The following EPHB2 variants were observed in gnomAD, a reference collection of about 807,000 sequenced individuals.
EPHB2 encodes the protein ephrin type-B receptor 2.
Under a neutral mutation model 96.4 loss-of-function variants are expected in EPHB2, and 18 were observed. That is an observed-to-expected ratio of 0.19 (90% CI 0.13 to 0.28). The LOEUF (loss-of-function observed/expected upper bound fraction) is 0.28, where lower values mean the gene tolerates loss of function less well. EPHB2 is among the 10% of genes least tolerant of loss of function. The pLI is 1.00. For synonymous variants in EPHB2, 506 were observed against 534.1 expected (o/e 0.95, Z 0.72); for missense variants, 989 against 1,355.4 (o/e 0.73, Z 4.25).
At chr1:22,867,563 G>T (rs2148531102) in intron 5 of EPHB2, among the ~76,000 whole-genome samples, 1 of 152,250 alleles carries the variant, frequency 6.6e-6, no homozygotes, top group South Asian at 2.1e-4. Flanking sequence ...ACTCAAAGGA[G>T]GCAATCTGAG....
rs970430771 is a variant in EPHB2, at chr1:22,917,535, G to A, written c.*3965G>A. On this transcript the variant is annotated 3_prime_UTR_variant, in exon 16 of 16. Transcript: ENST00000374630. The stretch of plus-strand genomic sequence containing the variant: ...CTCCTGTCACTAGGGATGTGAATCT[G>A]GGGAGACACTTCCCCTCACTGAGCC... 1.3e-5 allele frequency: 2 copies of A among 152,250 alleles called. No homozygotes were observed. Among genetic ancestry groups the A allele is most frequent in the Non-Finnish European group, 1.5e-5 (1 of 68,066 alleles). 9.4% of individuals were successfully genotyped at this position (152,250 alleles called of 1,614,324 possible).
intron 1 of EPHB2, among the ~76,000 whole-genome samples, chr1:22,771,861 G>A (rs903330260): frequency 4.6e-5 from 7 of 152,144 alleles, no homozygotes; most frequent in Non-Finnish European, 8.8e-5. Flanking sequence ...CTGGTATGTC[G>A]GGAAGGCTTG....
At chr1:22,863,633 G>T (rs1417601708) in intron 4 of EPHB2, among the ~76,000 whole-genome samples, 1 of 152,256 alleles carries the variant, frequency 6.6e-6, no homozygotes, top group Non-Finnish European at 1.5e-5. Context: ...ATGGCATTCA[G>T]CTGTAAGTAA....
intron 6 of EPHB2, among the ~76,000 whole-genome samples, chr1:22,886,865 A>T (rs1639242149): frequency 6.6e-6 from 1 of 151,918 alleles, no homozygotes; most frequent in African/African-American, 2.4e-5. Flanking sequence ...ACCTCAGGTG[A>T]TCCGCCCACC....
At chr1:22,781,280 A>G (rs938316209) in intron 1 of EPHB2, 141 bp from the exon 2 acceptor site, 18 of 781,930 alleles carry the variant, frequency 2.3e-5, no homozygotes, top group Non-Finnish European at 3.7e-5. Context: ...AGATCACACC[A>G]CTGCACTCCA....
intron 1 of EPHB2, among the ~76,000 whole-genome samples, chr1:22,745,619 G>A (rs1025348347): frequency 1.3e-5 from 2 of 152,104 alleles, no homozygotes; most frequent in African/African-American, 2.4e-5. Flanking sequence ...TAATGGTTTG[G>A]CTTTGGGCAA....
chr1:22,827,697 G>A (rs1645244416), intron 3 of EPHB2, among the ~76,000 whole-genome samples: 1 of 152,236 alleles, frequency 6.6e-6, no homozygotes, highest in Admixed American at 6.5e-5. Flanking sequence ...TGATGATGGT[G>A]GTGAAGTGCT....
At chr1:22,767,266 G>A (rs78103613) in intron 1 of EPHB2, among the ~76,000 whole-genome samples, 6,270 of 152,206 alleles carry the variant, frequency 0.041, 238 homozygotes, top group East Asian at 0.16. Context: ...GGGGAAGTGG[G>A]GGGTGGTCTG....
intron 1 of EPHB2, among the ~76,000 whole-genome samples, chr1:22,775,870 T>C (rs538279450): frequency 6.6e-6 from 1 of 152,338 alleles, no homozygotes; most frequent in Non-Finnish European, 1.5e-5. Flanking sequence ...AGCCTCTTTC[T>C]TCATCTATCC....
chr1:22,736,310 C>T (rs970481645), intron 1 of EPHB2, among the ~76,000 whole-genome samples: 3 of 152,134 alleles, frequency 2.0e-5, no homozygotes, highest in African/African-American at 2.4e-5. Context: ...GGGGACAAGG[C>T]GGCCCCTCTT....
intron 1 of EPHB2, chr1:22,774,509 G>A (rs762468015): frequency 2.1e-6 from 2 of 947,776 alleles, no homozygotes; most frequent in Non-Finnish European, 2.5e-6. Context: ...AGCAAGAAGG[G>A]CCAGGCGTTC....
In EPHB2 at chr1:22,737,399, T is replaced by C. The variant is rs542458224; in HGVS notation, c.61+26356T>C. Among the ~76,000 whole-genome samples the C allele has an allele frequency of 9.2e-5, 14 of 152,306 alleles. No homozygotes were observed. The East Asian group carries it at 2.5e-3, about 27-fold the overall frequency. The stretch of plus-strand genomic sequence containing the variant: ...CTGAGGCCTTCTCTGCCTGTCCTTG[T>C]CATCCCACAAACTCTAGGTGGATGT... On this transcript the variant is annotated intron_variant, in intron 1 of 15. Coordinates refer to ENST00000374630, the MANE Select transcript of EPHB2 (RefSeq NM_017449.5).
chr1:22,733,632 G>A lies in EPHB2; in HGVS notation c.61+22589G>A, dbSNP rs1464662224. On this transcript the variant is annotated intron_variant, in intron 1 of 15. Coordinates refer to ENST00000374630, the MANE Select transcript of EPHB2 (RefSeq NM_017449.5). The surrounding 1 kb of genome is among the most constrained non-coding windows in gnomAD (Gnocchi z 4.6). ...CAGGATTATTATTATTTTTGTTTTA[G>A]AGGAAAACTGAATCTCTGAGAGGTT... is the stretch of plus-strand genomic sequence containing the variant. Among the ~76,000 whole-genome samples, 1 of 152,202 alleles carries A rather than the reference G, an allele frequency of 6.6e-6. No individual in the cohort carries two copies. The highest frequency in any genetic ancestry group is 1.5e-5 in the Non-Finnish European group (1 of 68,038).
In EPHB2 at chr1:22,910,752, G is replaced by A. The variant is rs140251906; in HGVS notation, c.2696+177G>A. Reference sequence around the variant, plus strand: ...TTAGGGGTGCAGGAGAGCAGAGGACGCAGACTGCCCAGAGGAAGAAAAGGA... The same window carrying A: ...TTAGGGGTGCAGGAGAGCAGAGGACACAGACTGCCCAGAGGAAGAAAAGGA... On this transcript the variant is annotated intron_variant, in intron 14 of 15. Coordinates refer to ENST00000374630, the MANE Select transcript of EPHB2 (RefSeq NM_017449.5). Among the ~76,000 whole-genome samples, 1,022 of 152,338 alleles carry A rather than the reference G, an allele frequency of 6.7e-3. 4 individuals carry two copies. Among genetic ancestry groups the A allele is most frequent in the African/African-American group, 0.021 (860 of 41,582 alleles).
At chr1:22,766,078 T>A (rs1277119880) in intron 1 of EPHB2, among the ~76,000 whole-genome samples, 1 of 152,076 alleles carries the variant, frequency 6.6e-6, no homozygotes, top group Non-Finnish European at 1.5e-5. Flanking sequence ...GACAGATAAT[T>A]GCAAGTTTAA....
intron 3 of EPHB2, among the ~76,000 whole-genome samples, chr1:22,803,102 G>A (rs1417588587): frequency 6.6e-6 from 1 of 152,182 alleles, no homozygotes; most frequent in African/African-American, 2.4e-5. Context: ...GAAATAGCCT[G>A]AGGAGGCTCT....
intron 1 of EPHB2, among the ~76,000 whole-genome samples, chr1:22,774,060 T>TC (rs1167820016): frequency 4.6e-5 from 7 of 152,178 alleles, no homozygotes; most frequent in Non-Finnish European, 8.8e-5. Context: ...TGCCCAGCCT[T>TC]CCCCGATGTC....
chr1:22,766,709 T>C (rs1284926597), intron 1 of EPHB2, among the ~76,000 whole-genome samples: 1 of 152,178 alleles, frequency 6.6e-6, no homozygotes, highest in African/African-American at 2.4e-5. Flanking sequence ...AAGCATCCTG[T>C]CCCAGTGGGA....
At chr1:22,821,608 C>T (rs920784049) in intron 3 of EPHB2, among the ~76,000 whole-genome samples, 1 of 152,210 alleles carries the variant, frequency 6.6e-6, no homozygotes, top group African/African-American at 2.4e-5. Context: ...TGCCCTCTGT[C>T]CCTCCTACAT....
Sources: allele counts gnomAD v4.1 joint callset (sites outside exome capture counted in the v4.1 genomes callset), GRCh38; gene constraint gnomAD v4.1.1; non-coding constraint Gnocchi (gnomAD v3.1); transcripts MANE v1.5; gene names NCBI Gene and HGNC (gene_info 2026-07-23, HGNC 2026-07-21).